Variants in GAS2 observed in about 807,000 individuals in gnomAD.
The protein encoded by GAS2 is growth arrest specific 2, also known as growth arrest-specific protein 2.
A neutral mutation model predicts 37.5 loss-of-function variants in GAS2; 20 were observed. The observed-to-expected ratio is 0.53, with a 90% CI of 0.37 to 0.77. The LOEUF (loss-of-function observed/expected upper bound fraction) is 0.77. Ranked by LOEUF, GAS2 falls within the 30% of genes least tolerant of loss-of-function variation. GAS2 has a pLI of 0.00. For synonymous variants in GAS2, 144 were observed against 132.2 expected, an observed-to-expected ratio of 1.09 and a Z score of -0.61; for missense variants, 336 against 373.4, an observed-to-expected ratio of 0.90 and a Z score of 0.82.
At chr11:22,804,401 C>A (rs181294714) in intron 7 of GAS2, among the ~76,000 whole-genome samples, 165 of 152,128 alleles carry the variant, frequency 1.1e-3, no homozygotes, top group Non-Finnish European at 1.9e-3. Context: ...AGATACCTTG[C>A]TTGACAAAGT....
At chr11:22,650,014 T>C (rs1288252032) in intron 1 of GAS2, among the ~76,000 whole-genome samples, 1 of 151,906 alleles carries the variant, frequency 6.6e-6, no homozygotes, top group Non-Finnish European at 1.5e-5. Context: ...GATGTTAGGG[T>C]GTCAATTTTG....
Position 22,796,665 on chromosome 11 carries a change from G to C in GAS2, c.724-15133G>C, listed in dbSNP as rs117988925. Reference sequence around the variant, plus strand: ...AGTAATAGTTTTTCAGAGTATCTAGGTTACTATTTTGTTGCCTTTTAAGAC... The same window carrying C: ...AGTAATAGTTTTTCAGAGTATCTAGCTTACTATTTTGTTGCCTTTTAAGAC... On this transcript the variant is annotated intron_variant, in intron 7 of 7. Transcript: ENST00000454584. Among the ~76,000 whole-genome samples, 931 of 152,174 alleles carry C rather than the reference G, an allele frequency of 6.1e-3. 3 individuals are homozygous for C. Among genetic ancestry groups the C allele is most frequent in the Non-Finnish European group, 0.011 (766 of 67,992 alleles).
intron 7 of GAS2, among the ~76,000 whole-genome samples, chr11:22,762,985 G>T (rs1354691856): frequency 6.6e-6 from 1 of 152,086 alleles, no homozygotes; most frequent in Non-Finnish European, 1.5e-5. Context: ...TTCACAGTTG[G>T]ATAAAATAAT....
intron 1 of GAS2, 26 bp from the exon 2 acceptor site, chr11:22,674,824 C>A: frequency 1.3e-6 from 2 of 1,533,620 alleles, no homozygotes; most frequent in Admixed American, 2.0e-5. Flanking sequence ...GTATAAAAAG[C>A]AATTGCTCTT....
At chr11:22,703,679 A>G (rs1850959096) in intron 3 of GAS2, among the ~76,000 whole-genome samples, 2 of 152,182 alleles carry the variant, frequency 1.3e-5, no homozygotes, top group Admixed American at 6.6e-5. Flanking sequence ...GGTACATTAC[A>G]GAGTAATGGA....
intron 1 of GAS2, among the ~76,000 whole-genome samples, chr11:22,650,502 A>G (rs1371887547): frequency 7.3e-5 from 11 of 151,140 alleles, no homozygotes; most frequent in Admixed American, 1.3e-4. Context: ...TGATCTGTCT[A>G]ATGTTGACAG....
intron 3 of GAS2, among the ~76,000 whole-genome samples, chr11:22,704,691 A>G (rs1210957045): frequency 7.2e-6 from 1 of 138,834 alleles, no homozygotes; most frequent in Non-Finnish European, 1.5e-5. Context: ...AATATTGTAG[A>G]TTGTAGTAAG....
intron 3 of GAS2, among the ~76,000 whole-genome samples, chr11:22,724,547 C>T (rs982877995): frequency 5.3e-5 from 8 of 151,960 alleles, no homozygotes; most frequent in African/African-American, 1.9e-4. Flanking sequence ...CATTATACTA[C>T]ACTATTTCTG....
At chr11:22,703,235 C>T (rs1396034137) in intron 3 of GAS2, among the ~76,000 whole-genome samples, 1 of 152,120 alleles carries the variant, frequency 6.6e-6, no homozygotes, top group African/African-American at 2.4e-5. Flanking sequence ...CTTACAGTCT[C>T]ACATCCTGCA....
At chr11:22,663,245 T>A (rs1042413758), upstream of GAS2, among the ~76,000 whole-genome samples, 1 of 152,012 alleles carries the variant, frequency 6.6e-6, no homozygotes, top group Admixed American at 6.5e-5. Flanking sequence ...ATTTGGGGAT[T>A]ACAATTCTAG....
At position 22,812,068 on chromosome 11, in the gene GAS2, C is replaced by T. The variant is rs1302804497; in HGVS notation, c.*52C>T. The T allele has an allele frequency of 7.7e-7, 1 of 1,300,414 alleles. No individual in the cohort carries two copies. The highest frequency in any genetic ancestry group is 1.2e-5 in the South Asian group (1 of 83,728). The allele number at this position is 1,300,414 out of a possible 1,614,324, so 80.6% of individuals were successfully genotyped here. The stretch of plus-strand genomic sequence containing the variant: ...CTCATAATGGCCTGTATCCACTTCT[C>T]CAGTATAGTCAGTTTAGTTCATATG... On this transcript the variant is annotated 3_prime_UTR_variant, in exon 8 of 8. Transcript: ENST00000454584.
At chr11:22,686,159 ATAT>A (rs1849935671) in intron 3 of GAS2, among the ~76,000 whole-genome samples, 1 of 152,186 alleles carries the variant, frequency 6.6e-6, no homozygotes, top group South Asian at 2.1e-4. Context: ...GTTTTCAAAA[ATAT>A]TATGGCAGAA....
At chr11:22,705,154 T>C (rs1851049408) in intron 3 of GAS2, among the ~76,000 whole-genome samples, 1 of 152,010 alleles carries the variant, frequency 6.6e-6, no homozygotes, top group Non-Finnish European at 1.5e-5. Flanking sequence ...ATATGCACTG[T>C]TCCTTGGTGA....
intron 7 of GAS2, among the ~76,000 whole-genome samples, chr11:22,780,790 C>CA (rs989478770): frequency 2.2e-4 from 33 of 151,422 alleles, no homozygotes; most frequent in African/African-American, 7.5e-4. Flanking sequence ...GTGTCTCAGG[C>CA]AAAAAAATGG....
At chr11:22,648,282 T>C (rs1019892153) in intron 1 of GAS2, among the ~76,000 whole-genome samples, 6 of 152,176 alleles carry the variant, frequency 3.9e-5, no homozygotes, top group African/African-American at 9.7e-5. Flanking sequence ...CATTGATCTA[T>C]ATCTCTGTTT....
At chr11:22,729,665 T>A (rs1852382574) in intron 4 of GAS2, among the ~76,000 whole-genome samples, 1 of 149,428 alleles carries the variant, frequency 6.7e-6, no homozygotes, top group Admixed American at 6.7e-5. Flanking sequence ...AAAATCCAAT[T>A]AAGATGTTAA....
intron 5 of GAS2, among the ~76,000 whole-genome samples, chr11:22,742,087 C>T (rs1282946547): frequency 6.6e-6 from 1 of 152,008 alleles, no homozygotes; most frequent in Non-Finnish European, 1.5e-5. Context: ...ATCATAAAGT[C>T]ATTAACCATA....
At chr11:22,651,071 C>G (rs2133831476) in intron 1 of GAS2, among the ~76,000 whole-genome samples, 1 of 152,204 alleles carries the variant, frequency 6.6e-6, no homozygotes, top group East Asian at 1.9e-4. Flanking sequence ...TGTTCCTTTC[C>G]ATGTTTAGCA....
intron 1 of GAS2, among the ~76,000 whole-genome samples, chr11:22,640,547 A>G (rs1175923598): frequency 6.6e-6 from 1 of 152,182 alleles, no homozygotes; most frequent in African/African-American, 2.4e-5. Context: ...ATTCTCAAGC[A>G]TATAAAGAGA....
Sources: gnomAD v4.1 joint callset for allele counts (sites outside exome capture counted in the v4.1 genomes callset) on GRCh38, gnomAD v4.1.1 for gene constraint, MANE v1.5 for transcripts, NCBI Gene and HGNC (gene_info 2026-07-23, HGNC 2026-07-21) for gene names.